The following CLNK variants were observed in gnomAD, a reference collection of about 807,000 sequenced individuals.
CLNK encodes the protein cytokine dependent hematopoietic cell linker.
A neutral mutation model predicts 68.6 loss-of-function variants in CLNK; 74 were observed. The observed-to-expected ratio is 1.08, with a 90% CI of 0.89 to 1.31. CLNK has a LOEUF of 1.31. CLNK is among the 50% of genes most tolerant of loss of function. CLNK has a pLI of 0.00. For missense variants in CLNK, 553 were observed against 515.3 expected (o/e 1.07, Z -0.71); for synonymous variants, 198 against 172.2 (o/e 1.15, Z -1.17).
intron 8 of CLNK, among the ~76,000 whole-genome samples, chr4:10,545,919 A>G (rs1719211460): frequency 6.6e-6 from 1 of 152,094 alleles, no homozygotes; most frequent in Non-Finnish European, 1.5e-5. Context: ...GGCAGCCATG[A>G]AGTGCTGTGC....
Position 10,518,642 on chromosome 4 carries a change from T to C in CLNK, c.772+2149A>G, listed in dbSNP as rs142363538. Among the ~76,000 whole-genome samples, 198 of 152,338 alleles carry C rather than the reference T, an allele frequency of 1.3e-3. 1 individual carries two copies. The highest frequency in any genetic ancestry group is 4.6e-3 in the African/African-American group (193 of 41,576). On this transcript the variant is annotated intron_variant, in intron 15 of 18. Transcript: ENST00000226951. ...TTTTTCTCTCCTGAGATCCACTTGCTTGGGATCCTAATAGTTTAACTTGAA... is the reference window on the plus strand; with the variant it reads ...TTTTTCTCTCCTGAGATCCACTTGCCTGGGATCCTAATAGTTTAACTTGAA...
chr4:10,575,352 C>A (rs1391913821), intron 4 of CLNK, among the ~76,000 whole-genome samples: 1 of 152,248 alleles, frequency 6.6e-6, no homozygotes, highest in African/African-American at 2.4e-5. Flanking sequence ...CTGTCTAGAG[C>A]CCTCTTTTCT....
chr4:10,544,230 T>C (rs569665173), intron 8 of CLNK, among the ~76,000 whole-genome samples: 1 of 152,338 alleles, frequency 6.6e-6, no homozygotes, highest in South Asian at 2.1e-4. Context: ...ATTCCCTTTG[T>C]GGTTTTCAAG....
intron 2 of CLNK, among the ~76,000 whole-genome samples, chr4:10,628,303 G>A (rs1479860536): frequency 8.4e-6 from 1 of 118,886 alleles, no homozygotes; most frequent in East Asian, 2.7e-4. Flanking sequence ...GGCTTGTTTA[G>A]TTAGACTTGT....
intron 2 of CLNK, among the ~76,000 whole-genome samples, chr4:10,599,758 C>A (rs938154911): frequency 6.6e-6 from 1 of 151,964 alleles, no homozygotes; most frequent in Non-Finnish European, 1.5e-5. Flanking sequence ...TCCTAACAGT[C>A]AGATTCCCCA....
intron 1 of CLNK, among the ~76,000 whole-genome samples, chr4:10,675,737 G>A (rs10938923): frequency 0.22 from 33,382 of 151,954 alleles, 4,591 homozygotes; most frequent in Non-Finnish European, 0.31. Context: ...ATATCTACAA[G>A]ATACCTTCTA....
intron 11 of CLNK, among the ~76,000 whole-genome samples, chr4:10,537,283 G>C (rs1178826929): frequency 6.6e-6 from 1 of 152,164 alleles, no homozygotes; most frequent in Non-Finnish European, 1.5e-5. Flanking sequence ...TTCGAGACCA[G>C]CCTGACCAAC....
intron 2 of CLNK, among the ~76,000 whole-genome samples, chr4:10,617,745 A>T (rs1459435966): frequency 6.6e-6 from 1 of 152,210 alleles, no homozygotes; most frequent in Non-Finnish European, 1.5e-5. Flanking sequence ...AAAAGACGGA[A>T]AAAGAGTTTG....
intron 2 of CLNK, among the ~76,000 whole-genome samples, chr4:10,653,276 A>G (rs1723827239): frequency 1.3e-5 from 2 of 152,044 alleles, no homozygotes. Flanking sequence ...CCACCATGGC[A>G]TGTGTATACC....
chr4:10,695,639 T>G, the CLNK span, among the ~76,000 whole-genome samples: 1 of 152,324 alleles, frequency 6.6e-6, no homozygotes, highest in East Asian at 1.9e-4. Context: ...CCCTCTCTTC[T>G]GAGTCATATT....
At chr4:10,672,937 C>T (rs553691278) in intron 1 of CLNK, among the ~76,000 whole-genome samples, 1 of 152,286 alleles carries the variant, frequency 6.6e-6, no homozygotes, top group African/African-American at 2.4e-5. Flanking sequence ...CTTAAATAGA[C>T]ATTTAGGAAC....
intron 2 of CLNK, among the ~76,000 whole-genome samples, chr4:10,657,105 T>A (rs1354555960): frequency 1.3e-5 from 2 of 152,204 alleles, no homozygotes; most frequent in East Asian, 3.8e-4. Flanking sequence ...AAACAGGTAC[T>A]GAGACTTCTT....
rs1184554102 is a variant in CLNK at position 10,584,887 on chromosome 4, G to A, written c.112+40C>T. ...AATAACAGCCCAACAGACCCATGCTGACATTCCCACCACTTAGGTGACAGA... is the reference window on the plus strand; with the variant it reads ...AATAACAGCCCAACAGACCCATGCTAACATTCCCACCACTTAGGTGACAGA... On this transcript the variant is annotated intron_variant, in intron 4 of 18. Coordinates refer to ENST00000226951, the MANE Select transcript of CLNK (RefSeq NM_052964.4). 3 of 1,607,310 alleles carry A rather than the reference G, an allele frequency of 1.9e-6. No homozygotes were observed. The East Asian group carries it at 6.7e-5, about 36-fold the overall frequency.
chr4:10,561,346 C>T (rs1266377930), intron 7 of CLNK, among the ~76,000 whole-genome samples: 1 of 152,080 alleles, frequency 6.6e-6, no homozygotes, highest in East Asian at 1.9e-4. Flanking sequence ...GTTCCACCTG[C>T]AAAGTGATCT....
rs183636533 is a variant in CLNK, at chr4:10,681,270, C to T, written c.-43+3398G>A. On this transcript the variant is annotated intron_variant, in intron 1 of 18. Coordinates refer to ENST00000226951, the MANE Select transcript of CLNK (RefSeq NM_052964.4). ...GGTCAAAGTACCAGAGTGAACTGAC[C>T]TCTTGAGCTCCATCAACTCTGTGTG... Among the ~76,000 whole-genome samples the T allele has an allele frequency of 2.6e-5, 4 of 152,270 alleles. No homozygotes were observed. The East Asian group carries it at 7.7e-4, about 29-fold the overall frequency.
chr4:10,532,605 C>G (rs1209532810), intron 11 of CLNK, among the ~76,000 whole-genome samples: 2 of 152,210 alleles, frequency 1.3e-5, no homozygotes, highest in African/African-American at 4.8e-5. Flanking sequence ...TTCATTGGCA[C>G]AGTCAGACCT....
chr4:10,590,925 G>T (rs1438082310), intron 3 of CLNK, among the ~76,000 whole-genome samples: 1 of 152,088 alleles, frequency 6.6e-6, no homozygotes, highest in African/African-American at 2.4e-5. Flanking sequence ...GTGCCAAAAG[G>T]GACATTAAAC....
chr4:10,663,135 G>A lies in CLNK; in HGVS notation c.11+4724C>T, dbSNP rs143465030. Among the ~76,000 whole-genome samples the A allele has an allele frequency of 1.7e-3, 257 of 152,332 alleles. 5 individuals carry two copies. Among genetic ancestry groups the A allele is most frequent in the Non-Finnish European group, 1.8e-3 (125 of 68,032 alleles). On this transcript the variant is annotated intron_variant, in intron 2 of 18. Coordinates refer to ENST00000226951, the MANE Select transcript of CLNK (RefSeq NM_052964.4). ...CAGTCCTGTCCAGAATGATGAAGAG[G>A]TACTGGAAACCAAACCCCAAGATGC...
rs148873661 is a variant in CLNK at position 10,631,787 on chromosome 4, T to G, written c.12-33738A>C. Among the ~76,000 whole-genome samples the G allele has an allele frequency of 2.0e-5, 3 of 152,390 alleles. No homozygotes were observed. The East Asian group carries it at 5.8e-4, about 29-fold the overall frequency. On this transcript the variant is annotated intron_variant, in intron 2 of 18. Transcript: ENST00000226951. ...GTTCTTTTTAGTCTCAAAGCAACTC[T>G]ATGACATAGAAGTTACCTTTACTTT...
Sources: gnomAD v4.1 joint callset for allele counts (sites outside exome capture counted in the v4.1 genomes callset) on GRCh38, gnomAD v4.1.1 for gene constraint, MANE v1.5 for transcripts, NCBI Gene and HGNC (gene_info 2026-07-23, HGNC 2026-07-21) for gene names.